FMN2: variants seen among roughly 807,000 people sequenced by gnomAD.
FMN2 encodes the protein formin 2, also known as formin-2.
A neutral mutation model predicts 142.3 loss-of-function variants in FMN2; 51 were observed. That is an observed-to-expected ratio of 0.36 (90% confidence interval 0.29 to 0.45). The LOEUF is 0.45. Ranked by LOEUF, FMN2 falls within the 20% of genes least tolerant of loss-of-function variation. The pLI is 1.00. For synonymous variants in FMN2, 882 were observed against 869.8 expected (o/e 1.01, Z -0.25); for missense variants, 1,936 against 2,122.8 (o/e 0.91, Z 1.73).
chr1:240,234,138 C>T (rs375288299), intron 6 of FMN2, among the ~76,000 whole-genome samples: 1 of 151,976 alleles, frequency 6.6e-6, no homozygotes. Flanking sequence ...GTCAGACTTC[C>T]CTTGAGCTCA....
intron 8 of FMN2, among the ~76,000 whole-genome samples, chr1:240,325,326 C>T (rs182087355): frequency 0.12 from 15,872 of 129,038 alleles, 1,446 homozygotes; most frequent in African/African-American, 0.29. Context: ...CTGGGTGACA[C>T]GGTGAGACCC....
intron 1 of FMN2, among the ~76,000 whole-genome samples, chr1:240,109,667 G>A (rs1484270656): frequency 6.6e-6 from 1 of 152,048 alleles, no homozygotes; most frequent in Admixed American, 6.5e-5. Flanking sequence ...ACGCACATTT[G>A]ATGCATTCGT....
intron 16 of FMN2, among the ~76,000 whole-genome samples, chr1:240,470,487 T>C (rs551664942): frequency 1.2e-4 from 18 of 152,320 alleles, no homozygotes; most frequent in Non-Finnish European, 2.6e-4. Flanking sequence ...TGAAAGGAGT[T>C]ACTTTCATTT....
chr1:240,402,078 A>G (rs1249880513), intron 15 of FMN2, among the ~76,000 whole-genome samples: 1 of 152,212 alleles, frequency 6.6e-6, no homozygotes, highest in East Asian at 1.9e-4. Flanking sequence ...CCTCACACAC[A>G]CATTATCAGC....
intron 13 of FMN2, among the ~76,000 whole-genome samples, chr1:240,341,206 C>T (rs544185841): frequency 6.6e-6 from 1 of 151,952 alleles, no homozygotes; most frequent in East Asian, 1.9e-4. Context: ...ATTCATTTTC[C>T]CTCTAATTTC....
rs1392941301 is a variant in FMN2, at chr1:240,159,915, A to ATATATATATCTGTG, written c.1783-17997_1783-17996insCTGTGTATATATAT. Among the ~76,000 whole-genome samples, 10 of 89,238 alleles carry ATATATATATCTGTG rather than the reference A, an allele frequency of 1.1e-4. No homozygotes were observed. The East Asian group carries it at 2.6e-3, about 23-fold the overall frequency. The allele number at this position is 89,238 out of a possible 152,430, so 58.5% of individuals were successfully genotyped here. A position where few individuals can be genotyped will look rare whatever the true frequency, so the allele number is the denominator to read the frequency against. ...TATATATATATCTGTGTATATATAT[A>ATATATATATCTGTG]TATATATATATATATATTTGTGTAT... On this transcript the variant is annotated intron_variant, in intron 2 of 17. Transcript: ENST00000319653.
At chr1:240,137,052 A>G (rs927435403) in intron 2 of FMN2, among the ~76,000 whole-genome samples, 1 of 140,538 alleles carries the variant, frequency 7.1e-6, no homozygotes, top group Admixed American at 7.4e-5. Flanking sequence ...CCTGGGTGAC[A>G]GAGTGAAACT....
chr1:240,418,834 T>C (rs571556415), intron 15 of FMN2, among the ~76,000 whole-genome samples: 2 of 152,278 alleles, frequency 1.3e-5, no homozygotes, highest in South Asian at 2.1e-4. Flanking sequence ...TAGCTGTGCA[T>C]GGTGGCTCAC....
chr1:240,303,698 ATCT>A (rs1465251005), intron 8 of FMN2, among the ~76,000 whole-genome samples: 2 of 152,162 alleles, frequency 1.3e-5, no homozygotes, highest in Non-Finnish European at 2.9e-5. Context: ...TTATGTTCAC[ATCT>A]TTCATCAAAT....
Position 240,118,275 on chromosome 1 carries a change from C to T in FMN2, c.1616-4904C>T, listed in dbSNP as rs1233045115. 8.5e-5 allele frequency among the ~76,000 whole-genome samples: 13 copies of T among 152,122 alleles called. No homozygotes were observed. The South Asian group carries it at 2.3e-3, about 27-fold the overall frequency. On this transcript the variant is annotated intron_variant, in intron 1 of 17. Coordinates refer to ENST00000319653, the MANE Select transcript of FMN2 (RefSeq NM_020066.5). ...ATGCAAGTTTATTAGAGAGTAAGTA[C>T]GTTGCAAAGGGCAACGGGTAGCACA...
At chr1:240,407,181 A>G (rs530037486) in intron 15 of FMN2, among the ~76,000 whole-genome samples, 4 of 151,542 alleles carry the variant, frequency 2.6e-5, no homozygotes, top group Non-Finnish European at 5.9e-5. Flanking sequence ...TCTGTAGCCC[A>G]GGCTGGAGTT....
intron 6 of FMN2, among the ~76,000 whole-genome samples, chr1:240,240,471 C>G (rs931064927): frequency 6.6e-6 from 1 of 152,136 alleles, no homozygotes; most frequent in East Asian, 1.9e-4. Context: ...TTGTGGTTGT[C>G]ATTAACCTTA....
intron 3 of FMN2, among the ~76,000 whole-genome samples, chr1:240,185,213 T>C (rs541585794): frequency 4.6e-5 from 7 of 151,786 alleles, no homozygotes; most frequent in Non-Finnish European, 7.4e-5. Flanking sequence ...TTTTTCCTTC[T>C]CTTTCTTTTA....
intron 3 of FMN2, among the ~76,000 whole-genome samples, chr1:240,182,481 CAAAG>C (rs1665193064): frequency 6.6e-6 from 1 of 152,056 alleles, no homozygotes; most frequent in African/African-American, 2.4e-5. Flanking sequence ...AAGAAAGAAA[CAAAG>C]AACCATGGCA....
At chr1:240,095,651 G>A (rs1307990087) in intron 1 of FMN2, among the ~76,000 whole-genome samples, 1 of 151,978 alleles carries the variant, frequency 6.6e-6, no homozygotes, top group South Asian at 2.1e-4. Context: ...TGGTGGCAAG[G>A]GGTGAGGGAA....
intron 1 of FMN2, among the ~76,000 whole-genome samples, chr1:240,119,328 CAAA>C (rs76694954): frequency 9.3e-6 from 1 of 107,732 alleles, no homozygotes. Flanking sequence ...GACTCCATCT[CAAA>C]AAAAAAAAAA....
chr1:240,367,148 G>T (rs999928753), intron 14 of FMN2, among the ~76,000 whole-genome samples: 1 of 152,066 alleles, frequency 6.6e-6, no homozygotes, highest in African/African-American at 2.4e-5. Flanking sequence ...GTGGTATTTC[G>T]TTGAGGTTTT....
chr1:240,388,880 G>A (rs547768221), intron 14 of FMN2, among the ~76,000 whole-genome samples: 34 of 151,310 alleles, frequency 2.2e-4, no homozygotes, highest in Admixed American at 9.2e-4. Context: ...AAAAAAAAGG[G>A]GGGGGGTCAA....
intron 7 of FMN2, among the ~76,000 whole-genome samples, chr1:240,279,616 G>T (rs1413443639): frequency 6.6e-6 from 1 of 152,100 alleles, no homozygotes; most frequent in African/African-American, 2.4e-5. Context: ...TAGAACAGAG[G>T]CCTTTCTATC....
Sources: allele counts gnomAD v4.1 joint callset (sites outside exome capture counted in the v4.1 genomes callset), GRCh38; gene constraint gnomAD v4.1.1; transcripts MANE v1.5; gene names NCBI Gene and HGNC (gene_info 2026-07-23, HGNC 2026-07-21).